Variants in PTPN9 observed in about 807,000 individuals in gnomAD.
PTPN9 encodes the protein protein tyrosine phosphatase non-receptor type 9, also known as tyrosine-protein phosphatase non-receptor type 9.
A neutral mutation model predicts 69.8 loss-of-function variants in PTPN9; 26 were observed. The ratio of observed to expected loss-of-function variants is 0.37; its 90% CI spans 0.27 to 0.52. The LOEUF is 0.52. Among genes scored for constraint, PTPN9 ranks in the 20% least tolerant of loss-of-function variants. The probability of loss-of-function intolerance (pLI) is 0.91; values close to 1 mark genes in which losing one functional copy is unlikely to be tolerated. For missense variants in PTPN9, 549 were observed against 740.3 expected (o/e 0.74, Z 3.00); for synonymous variants, 274 against 272.5 (o/e 1.01, Z -0.05).
At chr15:75,527,296 A>G in intron 1 of PTPN9, 35 bp from the exon 2 acceptor site, 1 of 1,609,702 alleles carries the variant, frequency 6.2e-7, no homozygotes, top group African/African-American at 1.3e-5. Flanking sequence ...AATTAGTAAG[A>G]AGAGAGCATA....
At chr15:75,550,465 C>T (rs2075052561) in intron 1 of PTPN9, among the ~76,000 whole-genome samples, 1 of 151,068 alleles carries the variant, frequency 6.6e-6, no homozygotes, top group African/African-American at 2.4e-5. Flanking sequence ...CATGCCCAAC[C>T]AGTGGGGTCA....
At chr15:75,486,220 T>G (rs936988718) in intron 8 of PTPN9, among the ~76,000 whole-genome samples, 4 of 152,058 alleles carry the variant, frequency 2.6e-5, no homozygotes, top group Non-Finnish European at 4.4e-5. Context: ...TGCTATAGAC[T>G]GATCATTTGT....
At chr15:75,469,749 CT>C in intron 12 of PTPN9, 42 bp downstream of exon 12, 1 of 1,594,086 alleles carries the variant, frequency 6.3e-7, no homozygotes, top group Non-Finnish European at 8.6e-7. Flanking sequence ...TCGTCCACCC[CT>C]ACTGCCCCTG....
At chr15:75,566,644 A>C (rs1041665583) in intron 1 of PTPN9, among the ~76,000 whole-genome samples, 7 of 151,344 alleles carry the variant, frequency 4.6e-5, no homozygotes, top group Non-Finnish European at 1.0e-4. Flanking sequence ...GCACCACTGC[A>C]CTCCAGCCTG....
chr15:75,485,086 C>T (rs1353936708), intron 8 of PTPN9, among the ~76,000 whole-genome samples: 1 of 152,140 alleles, frequency 6.6e-6, no homozygotes, highest in Non-Finnish European at 1.5e-5. Context: ...CTGACTCAGA[C>T]AACTTCACTG....
rs747162294 is a variant in PTPN9, at chr15:75,479,897, G to A, written c.1080C>T (p.Ala360=). ...TCTGCTTGTAGCCATCCATGAAACT[G>A]GCATTGATGTAATCTGTCTAATGAT... ...SGHTQTDYIN[A]SFMDGYKQKN... The change falls in exon 9 of 13, where the codon GCC becomes GCT. Residue 360 remains alanine, a synonymous_variant. Coordinates refer to ENST00000618819, the MANE Select transcript of PTPN9 (RefSeq NM_002833.4). The A allele has an allele frequency of 4.3e-6, 7 of 1,609,528 alleles. No individual in the cohort carries two copies. The South Asian group carries it at 7.7e-5, about 18-fold the overall frequency.
rs78779765 is a variant in PTPN9 at position 75,492,634 on chromosome 15, C to G, written c.969-2333G>C. 6.0e-3 allele frequency among the ~76,000 whole-genome samples: 920 copies of G among 152,284 alleles called. 12 individuals are homozygous for G. The highest frequency in any genetic ancestry group is 0.021 in the African/African-American group (866 of 41,568). ...GTAAACAGCATCAGGTGAAAGAATT[C>G]TGTCATTTGGAGAATACCCAACAAA... On this transcript the variant is annotated intron_variant, in intron 7 of 12. Coordinates refer to ENST00000618819, the MANE Select transcript of PTPN9 (RefSeq NM_002833.4).
intron 1 of PTPN9, among the ~76,000 whole-genome samples, chr15:75,566,386 A>G (rs2075126533): frequency 6.6e-6 from 1 of 152,220 alleles, no homozygotes; most frequent in South Asian, 2.1e-4. Context: ...TTTCATTATA[A>G]AAGAAACGTA....
intron 8 of PTPN9, among the ~76,000 whole-genome samples, chr15:75,480,176 GATTAAAACT>G (rs1374864329): frequency 1.3e-5 from 2 of 152,050 alleles, no homozygotes; most frequent in Non-Finnish European, 2.9e-5. Flanking sequence ...AAATGTAAGG[GATTAAAACT>G]ATTAAAACTC....
chr15:75,509,764 A>C (rs1039944314), intron 5 of PTPN9, among the ~76,000 whole-genome samples: 5 of 152,168 alleles, frequency 3.3e-5, no homozygotes, highest in African/African-American at 9.7e-5. Flanking sequence ...CGGGCAGATC[A>C]CTTGATGTCA....
At chr15:75,491,415 A>T (rs114363841) in intron 7 of PTPN9, among the ~76,000 whole-genome samples, 5,308 of 151,674 alleles carry the variant, frequency 0.035, 122 homozygotes, top group South Asian at 0.064. Flanking sequence ...AAAAAAAAAA[A>T]AATAATTAAA....
chr15:75,503,005 G>T (rs1024987497), intron 7 of PTPN9, among the ~76,000 whole-genome samples: 3 of 152,112 alleles, frequency 2.0e-5, no homozygotes, highest in Non-Finnish European at 4.4e-5. Context: ...TCTCCCAGCC[G>T]CCTGCCTTGG....
At chr15:75,525,145 A>G (rs1390669384) in intron 2 of PTPN9, among the ~76,000 whole-genome samples, 1 of 151,234 alleles carries the variant, frequency 6.6e-6, no homozygotes, top group African/African-American at 2.4e-5. Context: ...TCCACCTGAT[A>G]TTGTCTCCAA....
At chr15:75,490,966 G>A (rs540968077) in intron 7 of PTPN9, among the ~76,000 whole-genome samples, 3 of 151,830 alleles carry the variant, frequency 2.0e-5, no homozygotes, top group South Asian at 2.1e-4. Context: ...AAAATTAGCC[G>A]GGCATCATGG....
intron 10 of PTPN9, among the ~76,000 whole-genome samples, chr15:75,472,490 T>A (rs574198283): frequency 9.0e-5 from 13 of 144,260 alleles, no homozygotes; most frequent in Middle Eastern, 3.9e-3. Context: ...TAAAATAAAA[T>A]AAAAATAAAA....
At chr15:75,500,785 C>G (rs113413846) in intron 7 of PTPN9, among the ~76,000 whole-genome samples, 2 of 151,880 alleles carry the variant, frequency 1.3e-5, no homozygotes, top group African/African-American at 2.4e-5. Flanking sequence ...ACTCAAGAGG[C>G]TGAGGCAGGA....
chr15:75,517,762 A>C, intron 4 of PTPN9, among the ~76,000 whole-genome samples: 1 of 152,154 alleles, frequency 6.6e-6, no homozygotes, highest in East Asian at 1.9e-4. Context: ...TTTTCCCTTA[A>C]AGCCCCATAA....
At position 75,514,648 on chromosome 15, in the gene PTPN9, A is replaced by G. The variant is rs558640992; in HGVS notation, c.528+2611T>C. On this transcript the variant is annotated intron_variant, in intron 5 of 12. Transcript: ENST00000618819. Reference sequence around the variant, plus strand: ...AAAAACAAGCTATAAATTAAGAGACAGTTTACTGTGCGCACACATTATATG... The same window carrying G: ...AAAAACAAGCTATAAATTAAGAGACGGTTTACTGTGCGCACACATTATATG... Among the ~76,000 whole-genome samples, 6 of 152,288 alleles carry G rather than the reference A, an allele frequency of 3.9e-5. No homozygotes were observed. The South Asian group carries it at 1.2e-3, about 32-fold the overall frequency.
chr15:75,512,536 ACT>A (rs1347911305), intron 5 of PTPN9, among the ~76,000 whole-genome samples: 3 of 151,988 alleles, frequency 2.0e-5, no homozygotes. Context: ...TGCAGTAAAT[ACT>A]CTTTTTATAT....
Sources: allele counts gnomAD v4.1 joint callset (sites outside exome capture counted in the v4.1 genomes callset), GRCh38; gene constraint gnomAD v4.1.1; transcripts MANE v1.5; gene names NCBI Gene and HGNC (gene_info 2026-07-23, HGNC 2026-07-21).